The following CADM2 variants were observed in gnomAD, a reference collection of about 807,000 sequenced individuals.
CADM2 encodes the protein cell adhesion molecule 2, also known as immunoglobulin superfamily member 4D.
In CADM2, 12 loss-of-function variants were observed where a neutral mutation model predicts 49.8. The observed-to-expected ratio is 0.24, with a 90% CI of 0.15 to 0.39. The LOEUF is 0.39. Among genes scored for constraint, CADM2 ranks in the 10% least tolerant of loss-of-function variants. The pLI is 1.00. For missense variants in CADM2, 378 were observed against 492.3 expected (o/e 0.77, Z 2.20); for synonymous variants, 214 against 175.4 (o/e 1.22, Z -1.74).
At chr3:85,691,559 C>T (rs113250657) in intron 1 of CADM2, among the ~76,000 whole-genome samples, 4,137 of 152,220 alleles carry the variant, frequency 0.027, 140 homozygotes, top group African/African-American at 0.068. Context: ...TTGTGGAAGT[C>T]AGTGTGGCCA....
chr3:85,757,837 T>C (rs2069193958), intron 2 of CADM2, among the ~76,000 whole-genome samples: 1 of 152,152 alleles, frequency 6.6e-6, no homozygotes, highest in South Asian at 2.1e-4. Flanking sequence ...TCTTTAATGA[T>C]TGACATTCAA....
At chr3:85,631,327 A>G (rs1393603178) in intron 1 of CADM2, among the ~76,000 whole-genome samples, 4 of 152,256 alleles carry the variant, frequency 2.6e-5, no homozygotes, top group South Asian at 2.1e-4. Flanking sequence ...TATTATAGAT[A>G]CTATAGAAGA....
chr3:85,415,503 A>G lies in CADM2; in HGVS notation c.62-311019A>G, dbSNP rs147656096. 8.5e-3 allele frequency among the ~76,000 whole-genome samples: 1,287 copies of G among 151,902 alleles called. 13 individuals carry two copies. The highest frequency in any genetic ancestry group is 0.012 in the Non-Finnish European group (801 of 67,928). On this transcript the variant is annotated intron_variant, in intron 1 of 9. Coordinates refer to ENST00000383699, the MANE Select transcript of CADM2 (RefSeq NM_001167675.2). ...CGTTGCCCTAATGTTCTTTGTCTCT[A>G]CAAATGAAATGACAAGATAAAACAG...
At chr3:85,935,161 G>A (rs1721051238) in intron 6 of CADM2, among the ~76,000 whole-genome samples, 1 of 152,074 alleles carries the variant, frequency 6.6e-6, no homozygotes, top group South Asian at 2.1e-4. Context: ...CAAACATGCA[G>A]TAGCACATAT....
chr3:85,584,604 T>G (rs2062886746), intron 1 of CADM2, among the ~76,000 whole-genome samples: 1 of 152,066 alleles, frequency 6.6e-6, no homozygotes, highest in Admixed American at 6.6e-5. Flanking sequence ...TGTGAAAATG[T>G]ACTTCCCCTT....
intron 6 of CADM2, among the ~76,000 whole-genome samples, chr3:85,921,961 C>T (rs9968078): frequency 1.3e-5 from 2 of 152,142 alleles, no homozygotes; most frequent in South Asian, 2.1e-4. Flanking sequence ...GCATCTTTCA[C>T]TTAGCAATAT....
At chr3:85,990,584 A>G (rs1373113148) in intron 8 of CADM2, among the ~76,000 whole-genome samples, 1 of 152,186 alleles carries the variant, frequency 6.6e-6, no homozygotes, top group Non-Finnish European at 1.5e-5. Context: ...TACTAACCTT[A>G]TAATTTCTAA....
At chr3:85,975,543 AAT>A in intron 8 of CADM2, among the ~76,000 whole-genome samples, 1 of 150,770 alleles carries the variant, frequency 6.6e-6, no homozygotes, top group Middle Eastern at 3.5e-3. Context: ...TCATTTTTCA[AAT>A]ATCTTTTTTA....
At chr3:85,603,616 A>C (rs1056380730) in intron 1 of CADM2, among the ~76,000 whole-genome samples, 20 of 151,874 alleles carry the variant, frequency 1.3e-4, no homozygotes, top group Non-Finnish European at 4.4e-5. Context: ...TCACTGGCTC[A>C]GCACCTGTCT....
chr3:85,085,409 CAAT>C (rs2037329896), intron 1 of CADM2, among the ~76,000 whole-genome samples: 1 of 151,728 alleles, frequency 6.6e-6, no homozygotes, highest in African/African-American at 2.4e-5. Flanking sequence ...TTTAAAGTCT[CAAT>C]AGTATTCAAT....
chr3:85,442,084 C>T (rs1049136616), intron 1 of CADM2, among the ~76,000 whole-genome samples: 31 of 152,004 alleles, frequency 2.0e-4, no homozygotes, highest in African/African-American at 7.5e-4. Context: ...GCAAAATCTA[C>T]CCATTATTCA....
intron 1 of CADM2, among the ~76,000 whole-genome samples, chr3:85,203,581 T>C (rs1438131149): frequency 6.6e-6 from 1 of 152,046 alleles, no homozygotes; most frequent in African/African-American, 2.4e-5. Context: ...TGTGAAAAAA[T>C]ACCGAATTGG....
chr3:85,353,609 G>T (rs1021705115), intron 1 of CADM2, among the ~76,000 whole-genome samples: 6 of 148,492 alleles, frequency 4.0e-5, no homozygotes, highest in Admixed American at 6.7e-5. Context: ...GATCGTGTTT[G>T]TTTTCCTTTA....
chr3:85,649,489 A>G (rs1402467615), intron 1 of CADM2, among the ~76,000 whole-genome samples: 1 of 152,210 alleles, frequency 6.6e-6, no homozygotes, highest in Non-Finnish European at 1.5e-5. Flanking sequence ...AACATATTCT[A>G]AAAACAAGAA....
chr3:85,577,836 T>A (rs2062679256), intron 1 of CADM2, among the ~76,000 whole-genome samples: 2 of 152,088 alleles, frequency 1.3e-5, no homozygotes, highest in African/African-American at 4.8e-5. Context: ...CTGTGTAACA[T>A]CAGACAAATG....
intron 6 of CADM2, among the ~76,000 whole-genome samples, chr3:85,933,526 CA>C: frequency 6.6e-6 from 1 of 152,148 alleles, no homozygotes; most frequent in African/African-American, 2.4e-5. Context: ...TATTGGACAC[CA>C]TGTTAGGGTT....
intron 8 of CADM2, among the ~76,000 whole-genome samples, chr3:86,034,454 G>A (rs1265084567): frequency 6.6e-6 from 1 of 151,998 alleles, no homozygotes; most frequent in Non-Finnish European, 1.5e-5. Context: ...TTGTGAATTA[G>A]GAAGTGAGTC....
chr3:85,237,922 A>G, intron 1 of CADM2, among the ~76,000 whole-genome samples: 1 of 151,882 alleles, frequency 6.6e-6, no homozygotes, highest in East Asian at 1.9e-4. Context: ...TTGATCATAT[A>G]TTTTTTGGAA....
rs547357552 is a variant in CADM2 at position 85,980,719 on chromosome 3, C to T, written c.970+19072C>T. Among the ~76,000 whole-genome samples, 4 of 151,560 alleles carry T rather than the reference C, an allele frequency of 2.6e-5. No individual in the cohort carries two copies. The East Asian group carries it at 5.8e-4, about 22-fold the overall frequency. Reference sequence around the variant, plus strand: ...TTCTACTTTGCTTTAATTTGTGATGCTCTGTAAGGTTTTTCACAAACGGCA... The same window carrying T: ...TTCTACTTTGCTTTAATTTGTGATGTTCTGTAAGGTTTTTCACAAACGGCA... On this transcript the variant is annotated intron_variant, in intron 8 of 9. Transcript: ENST00000383699.
Sources: allele counts gnomAD v4.1 joint callset (sites outside exome capture counted in the v4.1 genomes callset), GRCh38; gene constraint gnomAD v4.1.1; transcripts MANE v1.5; gene names NCBI Gene and HGNC (gene_info 2026-07-23, HGNC 2026-07-21).